Variants in WDR27 observed in about 807,000 individuals in gnomAD.
WDR27 encodes the protein WD repeat domain 27, also known as WD repeat-containing protein 27.
WDR27 carries 100 observed loss-of-function variants against 114.4 expected under a neutral mutation model. The ratio of observed to expected loss-of-function variants is 0.87; its 90% confidence interval spans 0.74 to 1.03. The LOEUF is 1.03. Among genes scored for constraint, WDR27 ranks in the 50% least tolerant of loss-of-function variants. WDR27 has a pLI of 0.00. For missense variants in WDR27, 1,129 were observed against 1,092.9 expected (o/e 1.03, Z -0.47); for synonymous variants, 449 against 423.1 (o/e 1.06, Z -0.75).
intron 5 of WDR27, 100 bp downstream of exon 5, chr6:169,667,882 C>T (rs1326783639): frequency 8.7e-7 from 1 of 1,153,582 alleles, no homozygotes; most frequent in Non-Finnish European, 1.2e-6. Context: ...CAACATCACT[C>T]AGGCGGCCGT....
Position 169,659,015 on chromosome 6 carries a change from C to T in WDR27, c.1319+71G>A, listed in dbSNP as rs566163884. On this transcript the variant is annotated intron_variant, in intron 12 of 25. Transcript: ENST00000448612. The surrounding 1 kb of genome is among the most constrained non-coding windows in gnomAD (Gnocchi z 4.3). ...GCTCAGAGTTTTCTAATCTTTATTTCTGAACATAGAAATCCAGATGGCACT... is the reference window on the plus strand; with the variant it reads ...GCTCAGAGTTTTCTAATCTTTATTTTTGAACATAGAAATCCAGATGGCACT... 51 of 1,473,600 alleles carry T rather than the reference C, an allele frequency of 3.5e-5. No individual in the cohort carries two copies. The South Asian group carries it at 6.7e-4, about 19-fold the overall frequency. The allele number at this position is 1,473,600 out of a possible 1,614,324, so 91.3% of individuals were successfully genotyped here. A position where few individuals can be genotyped will look rare whatever the true frequency, so the allele number is the denominator to read the frequency against.
At chr6:169,427,466 A>G in the WDR27 span, among the ~76,000 whole-genome samples, 1 of 152,176 alleles carries the variant, frequency 6.6e-6, no homozygotes, top group Admixed American at 6.5e-5. Context: ...ACTGAAAGGA[A>G]TGTTCATCTA....
chr6:169,650,782 ATCTCTCC>A (rs924157778), intron 14 of WDR27, among the ~76,000 whole-genome samples: 1 of 141,340 alleles, frequency 7.1e-6, no homozygotes, highest in African/African-American at 2.7e-5. Context: ...TTCATCTCTC[ATCTCTCC>A]ATCCCTCCAC....
chr6:169,687,781 C>T (rs1783394412), intron 2 of WDR27, among the ~76,000 whole-genome samples: 1 of 152,070 alleles, frequency 6.6e-6, no homozygotes, highest in African/African-American at 2.4e-5. Context: ...GAAAAGGTAC[C>T]CCTCCAAATA....
chr6:169,572,649 G>A (rs529319687), intron 24 of WDR27, 109 bp from the exon 25 acceptor site: 1 of 152,078 alleles, frequency 6.6e-6, no homozygotes, highest in Middle Eastern at 3.4e-3. Flanking sequence ...AATTAAAATC[G>A]GGAGTTACTG....
the WDR27 span, among the ~76,000 whole-genome samples, chr6:169,439,599 TAAA>T: frequency 6.6e-6 from 1 of 152,178 alleles, no homozygotes; most frequent in Admixed American, 6.5e-5. Flanking sequence ...GAATAACTGA[TAAA>T]AATTATGATT....
chr6:169,580,833 G>C (rs1803239398), intron 24 of WDR27, among the ~76,000 whole-genome samples: 1 of 151,432 alleles, frequency 6.6e-6, no homozygotes, highest in African/African-American at 2.4e-5. Flanking sequence ...GTGGAAGAAA[G>C]TGGACTAATA....
chr6:169,685,875 A>G (rs1294041029), intron 2 of WDR27, among the ~76,000 whole-genome samples: 1 of 152,186 alleles, frequency 6.6e-6, no homozygotes, highest in Non-Finnish European at 1.5e-5. Flanking sequence ...ATAGTTTCAA[A>G]CCAAATAGGT....
At chr6:169,583,479 GTATATATACATATATATATA>G (rs1562629952) in intron 23 of WDR27, among the ~76,000 whole-genome samples, 1 of 12,698 alleles carries the variant, frequency 7.9e-5, no homozygotes, top group Non-Finnish European at 2.0e-4. Context: ...GTGTGTGTGT[GTATATATACATATATATATA>G]TATATGTATA....
At chr6:169,500,868 G>C (rs1791101841) in intron 25 of WDR27, among the ~76,000 whole-genome samples, 1 of 152,210 alleles carries the variant, frequency 6.6e-6, no homozygotes, top group African/African-American at 2.4e-5. Flanking sequence ...AGCTGCGCTA[G>C]CCCAGGGCCC....
chr6:169,518,339 G>A (rs1793936776), intron 25 of WDR27, among the ~76,000 whole-genome samples: 1 of 152,266 alleles, frequency 6.6e-6, no homozygotes, highest in African/African-American at 2.4e-5. Flanking sequence ...TGCCCCTGCA[G>A]CAGGCTTCTG....
downstream of WDR27, among the ~76,000 whole-genome samples, chr6:169,452,510 CCGTGCGTGGGGT>C (rs1784193432): frequency 6.4e-5 from 1 of 15,506 alleles, no homozygotes; most frequent in African/African-American, 3.4e-4. Context: ...CAGAGAGGAG[CCGTGCGTGGGGT>C]CAGAGAGGAG....
intron 23 of WDR27, among the ~76,000 whole-genome samples, chr6:169,590,282 C>A (rs1805488658): frequency 6.6e-6 from 1 of 152,196 alleles, no homozygotes; most frequent in Non-Finnish European, 1.5e-5. Flanking sequence ...GTGAGTGTTG[C>A]ACTCCTGAAA....
At chr6:169,689,188 C>T (rs971066684) in intron 1 of WDR27, 176 bp from the exon 2 acceptor site, 39 of 472,476 alleles carry the variant, frequency 8.3e-5, no homozygotes, top group Admixed American at 4.4e-4. Flanking sequence ...AACTCTGGAG[C>T]TTCCACATTC....
intron 25 of WDR27, among the ~76,000 whole-genome samples, chr6:169,538,864 A>T (rs551690858): frequency 7.2e-5 from 11 of 152,218 alleles, no homozygotes; most frequent in Non-Finnish European, 1.6e-4. Context: ...TACTCCTATG[A>T]TACAATCCCA....
Position 169,677,629 on chromosome 6 carries a change from A to G in WDR27, c.190-5233T>C, listed in dbSNP as rs572326436. ...TACTTAAGATATTTGTGTAACTAAA[A>G]AAAGAACCAAAGGCTGATAACCAAG... On this transcript the variant is annotated intron_variant, in intron 2 of 25. Coordinates refer to ENST00000448612, the MANE Select transcript of WDR27 (RefSeq NM_182552.5). Among the ~76,000 whole-genome samples the G allele has an allele frequency of 6.6e-5, 10 of 152,394 alleles. No individual in the cohort carries two copies. The South Asian group carries it at 2.1e-3, about 32-fold the overall frequency.
At chr6:169,595,972 C>A (rs1389502526) in intron 23 of WDR27, among the ~76,000 whole-genome samples, 1 of 151,824 alleles carries the variant, frequency 6.6e-6, no homozygotes. Flanking sequence ...AGATGATTTA[C>A]AAAAATCCAA....
intron 22 of WDR27, among the ~76,000 whole-genome samples, chr6:169,610,569 A>T (rs929319172): frequency 6.6e-6 from 1 of 152,126 alleles, no homozygotes; most frequent in African/African-American, 2.4e-5. Flanking sequence ...ATCATCTCCC[A>T]CTGGGTCCCT....
intron 25 of WDR27, among the ~76,000 whole-genome samples, chr6:169,518,147 T>C (rs2865092): frequency 0.42 from 63,941 of 152,108 alleles, 16,745 homozygotes; most frequent in African/African-American, 0.75. Flanking sequence ...TAGAACTGAG[T>C]ACCTGCAGCT....
Sources: gnomAD v4.1 joint callset for allele counts (sites outside exome capture counted in the v4.1 genomes callset) on GRCh38, gnomAD v4.1.1 for gene constraint, Gnocchi (gnomAD v3.1) non-coding constraint, MANE v1.5 for transcripts, NCBI Gene and HGNC (gene_info 2026-07-23, HGNC 2026-07-21) for gene names.